Variants in FYTTD1 observed in about 807,000 individuals in gnomAD.
The protein encoded by FYTTD1 is forty-two-three domain containing 1, also known as UAP56-interacting factor.
FYTTD1 carries 22 observed loss-of-function variants against 40.9 expected under a neutral mutation model. The ratio of observed to expected loss-of-function variants is 0.54; its 90% CI spans 0.38 to 0.77. The LOEUF (loss-of-function observed/expected upper bound fraction) is 0.77. FYTTD1 is among the 30% of genes least tolerant of loss of function. The pLI is 0.00. For synonymous variants in FYTTD1, 140 were observed against 137.9 expected (o/e 1.01, Z -0.10); for missense variants, 351 against 392.2 (o/e 0.90, Z 0.89).
intron 1 of FYTTD1, among the ~76,000 whole-genome samples, chr3:197,755,376 T>C (rs1030554752): frequency 6.6e-6 from 1 of 152,200 alleles, no homozygotes; most frequent in Non-Finnish European, 1.5e-5. Context: ...TTTGCTGAAT[T>C]TCAACATTTA....
intron 2 of FYTTD1, among the ~76,000 whole-genome samples, chr3:197,766,943 G>A (rs1580457098): frequency 6.6e-6 from 1 of 152,148 alleles, no homozygotes; most frequent in Non-Finnish European, 1.5e-5. Context: ...ACAAGTAAAA[G>A]AAAGACTAGA....
chr3:197,770,044 CT>C, intron 3 of FYTTD1, 87 bp from the exon 4 acceptor site: 1 of 766,278 alleles, frequency 1.3e-6, no homozygotes. Context: ...GTTGTCAATC[CT>C]TGTTCATTCT....
chr3:197,768,862 G>A (rs1729627296), intron 3 of FYTTD1, among the ~76,000 whole-genome samples: 1 of 151,834 alleles, frequency 6.6e-6, no homozygotes, highest in Non-Finnish European at 1.5e-5. Flanking sequence ...ATGTGATCTT[G>A]GCTCACTGCA....
At chr3:197,777,147 T>C in intron 7 of FYTTD1, 146 bp downstream of exon 7, 1 of 590,484 alleles carries the variant, frequency 1.7e-6, no homozygotes, top group South Asian at 2.3e-5. Context: ...ATGGAAACAG[T>C]ATATGGTGTA....
chr3:197,768,635 G>T, intron 3 of FYTTD1, 48 bp downstream of exon 3: 3 of 1,494,568 alleles, frequency 2.0e-6, no homozygotes, highest in Non-Finnish European at 2.7e-6. Flanking sequence ...TCCTTTATTT[G>T]TACTAACATT....
At chr3:197,766,230 C>A (rs1312429697) in intron 2 of FYTTD1, among the ~76,000 whole-genome samples, 1 of 151,432 alleles carries the variant, frequency 6.6e-6, no homozygotes, top group African/African-American at 2.4e-5. Flanking sequence ...AAACTCACAT[C>A]TTCAGAAAAT....
rs1002086918 is a variant in FYTTD1, at chr3:197,786,791, G to C, written c.*4882G>C. ...ATACTGCTTGGAGTTTATAAAAGCGGAGTTTTTTTATTTTTTGAGACGGAA... is the reference window on the plus strand; with the variant it reads ...ATACTGCTTGGAGTTTATAAAAGCGCAGTTTTTTTATTTTTTGAGACGGAA... On this transcript the variant is annotated 3_prime_UTR_variant, in exon 9 of 9. Transcript: ENST00000241502. 1 of 152,054 alleles carries C rather than the reference G, an allele frequency of 6.6e-6. No homozygotes were observed. Among genetic ancestry groups the C allele is most frequent in the Admixed American group, 6.6e-5 (1 of 15,242 alleles). The allele number at this position is 152,054 out of a possible 1,614,324, so 9.4% of individuals were successfully genotyped here.
intron 2 of FYTTD1, among the ~76,000 whole-genome samples, chr3:197,763,951 C>A (rs552601248): frequency 3.3e-5 from 5 of 152,214 alleles, no homozygotes; most frequent in African/African-American, 1.2e-4. Flanking sequence ...ACTAGACGCT[C>A]TGGCGGTACT....
intron 8 of FYTTD1, among the ~76,000 whole-genome samples, chr3:197,780,321 C>T (rs1580471968): frequency 6.6e-6 from 1 of 152,114 alleles, no homozygotes; most frequent in South Asian, 2.1e-4. Context: ...CGCCTGCCTT[C>T]TGTGGCTGGC....
At chr3:197,750,222 C>G in intron 1 of FYTTD1, 148 bp downstream of exon 1, 1 of 825,248 alleles carries the variant, frequency 1.2e-6, no homozygotes, top group Non-Finnish European at 1.7e-6. Flanking sequence ...GCCCGGAGGA[C>G]AGCCGGGAGC....
intron 1 of FYTTD1, among the ~76,000 whole-genome samples, chr3:197,751,421 A>G (rs1729037798): frequency 6.6e-6 from 1 of 152,320 alleles, no homozygotes; most frequent in Middle Eastern, 3.4e-3. Context: ...GGAGGCAGGC[A>G]GATGGCTTGA....
chr3:197,768,400 G>T, intron 2 of FYTTD1, 39 bp from the exon 3 acceptor site: 1 of 1,486,620 alleles, frequency 6.7e-7, no homozygotes, highest in South Asian at 1.3e-5. Flanking sequence ...CAATTGAATT[G>T]TTAAATTGAC....
Position 197,782,597 on chromosome 3 carries a change from T to G in FYTTD1, c.*688T>G, listed in dbSNP as rs1730056692. 1 of 152,200 alleles carries G rather than the reference T, an allele frequency of 6.6e-6. No homozygotes were observed. Among genetic ancestry groups the G allele is most frequent in the African/African-American group, 2.4e-5 (1 of 41,446 alleles). The allele number at this position is 152,200 out of a possible 1,614,324, so 9.4% of individuals were successfully genotyped here. A position where few individuals can be genotyped will look rare whatever the true frequency, so the allele number is the denominator to read the frequency against. On this transcript the variant is annotated 3_prime_UTR_variant, in exon 9 of 9. Coordinates refer to ENST00000241502, the MANE Select transcript of FYTTD1 (RefSeq NM_032288.7). Reference sequence around the variant, plus strand: ...ATTCACAAAGTTATCTGATAGGGCCTTGGAGGAGAAGGTCCAGTTTTAAAA... The same window carrying G: ...ATTCACAAAGTTATCTGATAGGGCCGTGGAGGAGAAGGTCCAGTTTTAAAA...
At chr3:197,759,068 G>A (rs1262975195) in intron 2 of FYTTD1, among the ~76,000 whole-genome samples, 2 of 151,828 alleles carry the variant, frequency 1.3e-5, no homozygotes, top group Non-Finnish European at 1.5e-5. Flanking sequence ...AAAGTATAGA[G>A]TTGTTCTTCA....
intron 7 of FYTTD1, 31 bp downstream of exon 7, chr3:197,777,032 A>G (rs1417590596): frequency 1.6e-6 from 2 of 1,285,530 alleles, no homozygotes; most frequent in South Asian, 1.2e-5. Context: ...TGCAAAAATT[A>G]TAACCTCTCA....
At chr3:197,749,714 C>G (rs1000046794), upstream of FYTTD1, 2 of 631,840 alleles carry the variant, frequency 3.2e-6, no homozygotes, top group Non-Finnish European at 5.7e-6. Flanking sequence ...CGGCGGTCCT[C>G]GCGAGCGCCT....
At chr3:197,761,150 C>G (rs1013140723) in intron 2 of FYTTD1, among the ~76,000 whole-genome samples, 1 of 150,108 alleles carries the variant, frequency 6.7e-6, no homozygotes, top group African/African-American at 2.5e-5. Context: ...TAGAGTTGTT[C>G]TTCAATAGTA....
At chr3:197,773,145 A>C (rs1560499046) in intron 4 of FYTTD1, among the ~76,000 whole-genome samples, 1 of 152,230 alleles carries the variant, frequency 6.6e-6, no homozygotes, top group East Asian at 1.9e-4. Context: ...TTCAGAAGAT[A>C]TATGGGATAT....
intron 7 of FYTTD1, among the ~76,000 whole-genome samples, chr3:197,777,666 A>T: frequency 6.6e-6 from 1 of 152,078 alleles, no homozygotes; most frequent in Non-Finnish European, 1.5e-5. Flanking sequence ...CTTTAAATTT[A>T]TTGCTTTATA....
Sources: allele counts gnomAD v4.1 joint callset (sites outside exome capture counted in the v4.1 genomes callset), GRCh38; gene constraint gnomAD v4.1.1; transcripts MANE v1.5; gene names NCBI Gene and HGNC (gene_info 2026-07-23, HGNC 2026-07-21).